The following GARRE1 variants were observed in gnomAD, a reference collection of about 807,000 sequenced individuals.
GARRE1 encodes granule associated Rac and RHOG effector 1.
A neutral mutation model predicts 103.2 loss-of-function variants in GARRE1; 49 were observed. The ratio of observed to expected loss-of-function variants is 0.47; its 90% CI spans 0.38 to 0.60. The LOEUF (loss-of-function observed/expected upper bound fraction) is 0.60, where lower values mean the gene tolerates loss of function less well. GARRE1 is among the 20% of genes least tolerant of loss of function. The pLI is 0.00. For missense variants in GARRE1, 1,199 were observed against 1,370.5 expected, an observed-to-expected ratio of 0.87 and a Z score of 1.98; for synonymous variants, 505 against 532.8, an observed-to-expected ratio of 0.95 and a Z score of 0.72.
chr19:34,320,931 A>G lies in GARRE1; in HGVS notation c.705+815A>G, dbSNP rs939296929. Among the ~76,000 whole-genome samples, 26 of 136,912 alleles carry G rather than the reference A, an allele frequency of 1.9e-4. No individual in the cohort carries two copies. In the East Asian group the frequency reaches 2.9e-3, roughly 15 times the overall value. The allele number at this position is 136,912 out of a possible 152,430, so 89.8% of individuals were successfully genotyped here. ...TTTTTTTTTTTTTTTTTTGGTAGAG[A>G]TGAAGTCTCACTATGTTGTCCAGGT... On this transcript the variant is annotated intron_variant, in intron 3 of 13. Coordinates refer to ENST00000299505, the MANE Select transcript of GARRE1 (RefSeq NM_014686.5).
intron 2 of GARRE1, among the ~76,000 whole-genome samples, chr19:34,309,619 C>A (rs961048090): frequency 6.6e-6 from 1 of 152,126 alleles, no homozygotes; most frequent in South Asian, 2.1e-4. Flanking sequence ...GGATTATAGG[C>A]TTGAACCACT....
intron 2 of GARRE1, among the ~76,000 whole-genome samples, chr19:34,301,513 CAAAA>C (rs57777660): frequency 7.0e-5 from 6 of 85,398 alleles, no homozygotes; most frequent in South Asian, 3.8e-4. Context: ...GACCATGTCT[CAAAA>C]AAAAAAAAAA....
rs2073975956 is a variant in GARRE1, at chr19:34,300,950, C to T, written c.477C>T (p.Phe159=). 1 of 1,601,470 alleles carries T rather than the reference C, an allele frequency of 6.2e-7. No individual in the cohort carries two copies. Among genetic ancestry groups the T allele is most frequent in the Non-Finnish European group, 8.5e-7 (1 of 1,179,308 alleles). The part of the protein sequence containing the change: ...GAANFTDQKE[F]SLQDIEVLGR... ...CAAATTTTACGGATCAGAAGGAATT[C>T]AGTCTCCAGGACATTGAGGTAGAGT... The change falls in exon 2 of 14, where the codon TTC becomes TTT. Residue 159 remains phenylalanine (F), a synonymous_variant. Coordinates refer to ENST00000299505, the MANE Select transcript of GARRE1 (RefSeq NM_014686.5).
intron 1 of GARRE1, among the ~76,000 whole-genome samples, chr19:34,286,525 T>G (rs1436217048): frequency 7.0e-6 from 1 of 143,336 alleles, no homozygotes; most frequent in Non-Finnish European, 1.5e-5. Flanking sequence ...AGCCAACCTT[T>G]CTGTATTCTT....
chr19:34,322,326 G>A (rs1289408822), intron 3 of GARRE1, among the ~76,000 whole-genome samples: 3 of 149,922 alleles, frequency 2.0e-5, no homozygotes, highest in South Asian at 2.1e-4. Flanking sequence ...CGCGCACCAC[G>A]ACGCCTGGCT....
At chr19:34,348,895 A>G in intron 11 of GARRE1, 121 bp from the exon 12 acceptor site, 2 of 1,114,928 alleles carry the variant, frequency 1.8e-6, no homozygotes, top group Non-Finnish European at 2.6e-6. Context: ...AAGAAGGGAG[A>G]GACAAGAGAC....
chr19:34,285,417 G>A (rs2145225987), intron 1 of GARRE1: 1 of 152,260 alleles, frequency 6.6e-6, no homozygotes, highest in East Asian at 1.9e-4. Flanking sequence ...GAGGTCAGGA[G>A]TTTGAGACCA....
At chr19:34,331,190 C>T (rs918716714) in intron 7 of GARRE1, among the ~76,000 whole-genome samples, 9 of 151,598 alleles carry the variant, frequency 5.9e-5, no homozygotes, top group Non-Finnish European at 1.3e-4. Context: ...TGAGCCACCA[C>T]ACCCGGCCCT....
intron 2 of GARRE1, among the ~76,000 whole-genome samples, chr19:34,301,635 A>G (rs2073979638): frequency 6.6e-6 from 1 of 151,578 alleles, no homozygotes; most frequent in Non-Finnish European, 1.5e-5. Flanking sequence ...GGTAAAAGTT[A>G]TTAGTGAGTA....
intron 1 of GARRE1, among the ~76,000 whole-genome samples, chr19:34,286,243 G>A (rs943029545): frequency 6.6e-6 from 1 of 152,120 alleles, no homozygotes; most frequent in Non-Finnish European, 1.5e-5. Context: ...TTTTTGAGAC[G>A]GAGTCTCGCT....
chr19:34,299,938 C>G lies in GARRE1; in HGVS notation c.-536C>G, dbSNP rs1054029047. 1 of 152,180 alleles carries G rather than the reference C, an allele frequency of 6.6e-6. No individual in the cohort carries two copies. Among genetic ancestry groups the G allele is most frequent in the Non-Finnish European group, 1.5e-5 (1 of 68,054 alleles). The allele number at this position is 152,180 out of a possible 1,614,324, so 9.4% of individuals were successfully genotyped here. ...CAGCCTTACAGGTAAACGGATTTGA[C>G]GGGCAGGCTCTGTCAAAATTCTGCA... On this transcript the variant is annotated 5_prime_UTR_variant, in exon 2 of 14. Transcript: ENST00000299505.
chr19:34,300,513 A>C lies in GARRE1; in HGVS notation c.40A>C (p.Lys14Gln), dbSNP rs761431454. The C allele has an allele frequency of 1.2e-6, 2 of 1,612,026 alleles. No homozygotes were observed. Among genetic ancestry groups the C allele is most frequent in the African/African-American group, 1.3e-5 (1 of 75,046 alleles). Residue 14 changes from lysine to glutamine, a missense_variant, in exon 2 of 14, where the codon AAG becomes CAG. Coordinates refer to ENST00000299505, the MANE Select transcript of GARRE1 (RefSeq NM_014686.5). Reference protein sequence around the residue: ...CSAQDSKMDYKRRFLLGGSKQ... With the variant: ...CSAQDSKMDYQRRFLLGGSKQ... ...TGCCCAGGACAGTAAAATGGACTACAAGCGGCGCTTCCTGCTTGGCGGGTC... is the reference window on the plus strand; with the variant it reads ...TGCCCAGGACAGTAAAATGGACTACCAGCGGCGCTTCCTGCTTGGCGGGTC...
At chr19:34,339,026 G>T (rs575322368) in intron 8 of GARRE1, among the ~76,000 whole-genome samples, 55 of 152,312 alleles carry the variant, frequency 3.6e-4, no homozygotes, top group African/African-American at 1.3e-3. Flanking sequence ...TTTATAAGAA[G>T]AGCTGTCAGG....
At chr19:34,330,990 C>G (rs143743607) in intron 7 of GARRE1, among the ~76,000 whole-genome samples, 4,645 of 151,270 alleles carry the variant, frequency 0.031, 245 homozygotes, top group African/African-American at 0.11. Context: ...ACCTCTGCCT[C>G]CCGGGTTCAA....
intron 2 of GARRE1, among the ~76,000 whole-genome samples, chr19:34,315,310 G>T (rs529575368): frequency 2.0e-5 from 3 of 152,320 alleles, no homozygotes; most frequent in Non-Finnish European, 4.4e-5. Flanking sequence ...ATTATAGGCT[G>T]AGTCAGGCCT....
chr19:34,324,334 T>C (rs1173556955), intron 3 of GARRE1, among the ~76,000 whole-genome samples: 2 of 152,212 alleles, frequency 1.3e-5, no homozygotes, highest in Non-Finnish European at 2.9e-5. Flanking sequence ...TTACTGCTCC[T>C]GGCACACCCC....
chr19:34,262,881 T>G (rs760932288), intron 1 of GARRE1, among the ~76,000 whole-genome samples: 5 of 152,120 alleles, frequency 3.3e-5, no homozygotes, highest in African/African-American at 1.2e-4. Context: ...TTTAAAAAAT[T>G]TCTCCACTTT....
At chr19:34,261,559 G>A (rs2145950796) in intron 1 of GARRE1, among the ~76,000 whole-genome samples, 1 of 152,316 alleles carries the variant, frequency 6.6e-6, no homozygotes, top group South Asian at 2.1e-4. Flanking sequence ...GCAGTTCTCA[G>A]GGGAGACTTC....
At chr19:34,290,781 G>T (rs185167689) in intron 1 of GARRE1, among the ~76,000 whole-genome samples, 149 of 149,352 alleles carry the variant, frequency 1.0e-3, no homozygotes, top group African/African-American at 3.6e-3. Flanking sequence ...AAGCCACCAT[G>T]CCCAGCTACA....
Sources: allele counts gnomAD v4.1 joint callset (sites outside exome capture counted in the v4.1 genomes callset), GRCh38; gene constraint gnomAD v4.1.1; transcripts MANE v1.5; gene names NCBI Gene and HGNC (gene_info 2026-07-23, HGNC 2026-07-21).